NVL: variants seen among roughly 807,000 people sequenced by gnomAD.
The protein encoded by NVL is nuclear VCP like, also known as nuclear valosin-containing protein-like.
NVL carries 84 observed loss-of-function variants against 110.2 expected under a neutral mutation model. The observed-to-expected ratio is 0.76, with a 90% CI of 0.64 to 0.91. NVL has a LOEUF of 0.91. NVL is among the 40% of genes least tolerant of loss of function. The pLI, the probability that NVL is intolerant of heterozygous loss-of-function variation, is 0.00. For missense variants in NVL, 882 were observed against 1,035.9 expected (o/e 0.85, Z 2.04); for synonymous variants, 354 against 361.1 (o/e 0.98, Z 0.22).
chr1:224,300,525 C>T (rs200297160), intron 10 of NVL, 37 bp downstream of exon 10: 40 of 1,463,332 alleles, frequency 2.7e-5, no homozygotes, highest in South Asian at 2.4e-4. Flanking sequence ...AAGCTGGTAG[C>T]GTCTGACCAC....
At position 224,250,451 on chromosome 1, in the gene NVL, AC is replaced by A. The variant is rs1396396908; in HGVS notation, c.2183-134del. The A allele has an allele frequency of 4.4e-6, 3 of 685,986 alleles. No individual in the cohort carries two copies. The African/African-American group carries it at 5.7e-5, about 13-fold the overall frequency. The allele number at this position is 685,986 out of a possible 1,614,324, so 42.5% of individuals were successfully genotyped here. A position where few individuals can be genotyped will look rare whatever the true frequency, so the allele number is the denominator to read the frequency against. On this transcript the variant is annotated intron_variant, in intron 18 of 22. Coordinates refer to ENST00000281701, the MANE Select transcript of NVL (RefSeq NM_002533.4). ...ATGATCTCAGCTCACTGCAGCCTCG[AC>A]CTCCCAGGCTCAGATGATTCTCCCA... is the stretch of plus-strand genomic sequence containing the variant.
At chr1:224,281,825 T>C (rs1157260020) in intron 15 of NVL, among the ~76,000 whole-genome samples, 1 of 150,932 alleles carries the variant, frequency 6.6e-6, no homozygotes, top group Non-Finnish European at 1.5e-5. Context: ...TGGTGGCATG[T>C]ACCTATAGTC....
At chr1:224,246,654 T>C (rs1661852020) in intron 19 of NVL, among the ~76,000 whole-genome samples, 1 of 152,192 alleles carries the variant, frequency 6.6e-6, no homozygotes, top group Admixed American at 6.6e-5. Flanking sequence ...CAAAATTGGA[T>C]TATATGTGTG....
At chr1:224,313,157 TCAAAA>T in intron 4 of NVL, 1 of 139,470 alleles carries the variant, frequency 7.2e-6, no homozygotes, top group East Asian at 2.0e-4. Context: ...AGACGCTGTC[TCAAAA>T]AAAAAAAAAA....
In NVL at chr1:224,227,566, G is replaced by A. The variant is rs373114596; in HGVS notation, c.*60C>T. 121 of 1,520,906 alleles carry A rather than the reference G, an allele frequency of 8.0e-5. No individual in the cohort carries two copies. The African/African-American group carries it at 9.0e-4, about 11-fold the overall frequency. The allele number at this position is 1,520,906 out of a possible 1,614,324, so 94.2% of individuals were successfully genotyped here. A position where few individuals can be genotyped will look rare whatever the true frequency, so the allele number is the denominator to read the frequency against. Reference sequence around the variant, plus strand: ...CAGCTGAAAGTGGGTCCTTCAGAGCGTGTGGGGGATTCTCTGCCGGCTTGA... The same window carrying A: ...CAGCTGAAAGTGGGTCCTTCAGAGCATGTGGGGGATTCTCTGCCGGCTTGA... On this transcript the variant is annotated 3_prime_UTR_variant, in exon 23 of 23. Transcript: ENST00000281701.
At chr1:224,255,204 T>TG (rs1663068616) in intron 18 of NVL, among the ~76,000 whole-genome samples, 1 of 135,406 alleles carries the variant, frequency 7.4e-6, no homozygotes, top group Non-Finnish European at 1.5e-5. Flanking sequence ...TTTTTTTTTT[T>TG]CCTGAGACAG....
At chr1:224,240,336 T>C (rs1310877039) in intron 19 of NVL, among the ~76,000 whole-genome samples, 1 of 152,146 alleles carries the variant, frequency 6.6e-6, no homozygotes, top group African/African-American at 2.4e-5. Context: ...CCCAAAGTGC[T>C]AGGATTACAG....
intron 2 of NVL, among the ~76,000 whole-genome samples, chr1:224,323,736 C>G (rs916233907): frequency 2.6e-5 from 4 of 152,214 alleles, no homozygotes; most frequent in African/African-American, 7.2e-5. Flanking sequence ...ACAGGTCCGG[C>G]AGGTGGGGCT....
chr1:224,329,943 C>T (rs868333827), intron 1 of NVL, 128 bp downstream of exon 1: 2 of 899,318 alleles, frequency 2.2e-6, no homozygotes, highest in Non-Finnish European at 3.5e-6. Context: ...AACAGACGCA[C>T]GCCCAGACCC....
At chr1:224,301,650 A>G in intron 9 of NVL, 1 of 338,598 alleles carries the variant, frequency 3.0e-6, no homozygotes, top group South Asian at 2.1e-5. Context: ...AAAATAATAA[A>G]TTAGCCAGGC....
At chr1:224,251,255 CAG>C (rs142095992) in intron 18 of NVL, among the ~76,000 whole-genome samples, 10,390 of 101,648 alleles carry the variant, frequency 0.1, 503 homozygotes, top group Middle Eastern at 0.22. Context: ...GCCTGGCCAA[CAG>C]AGTGATACTG....
chr1:224,253,304 C>A (rs1025408364), intron 18 of NVL, among the ~76,000 whole-genome samples: 1 of 151,758 alleles, frequency 6.6e-6, no homozygotes, highest in Non-Finnish European at 1.5e-5. Flanking sequence ...CCCGCCTTAG[C>A]CTCCCGAAGT....
chr1:224,305,950 C>G (rs1668875002), intron 6 of NVL, among the ~76,000 whole-genome samples: 1 of 152,270 alleles, frequency 6.6e-6, no homozygotes, highest in African/African-American at 2.4e-5. Flanking sequence ...TTATCTCTGT[C>G]TTTCTCACTG....
intron 4 of NVL, 21 bp from the exon 5 acceptor site, chr1:224,311,878 A>G: frequency 6.3e-7 from 1 of 1,593,672 alleles, no homozygotes; most frequent in Non-Finnish European, 8.6e-7. Flanking sequence ...GGAGGGAAAA[A>G]TGTTTTAAAG....
At chr1:224,308,735 A>G (rs1289984256) in intron 5 of NVL, among the ~76,000 whole-genome samples, 2 of 150,500 alleles carry the variant, frequency 1.3e-5, no homozygotes, top group Non-Finnish European at 3.0e-5. Flanking sequence ...GTTCACAATA[A>G]GATGACTCAC....
chr1:224,302,273 G>A (rs2102691618), intron 9 of NVL, among the ~76,000 whole-genome samples: 1 of 152,048 alleles, frequency 6.6e-6, no homozygotes, highest in Non-Finnish European at 1.5e-5. Context: ...CATGATCTTG[G>A]CTCACCGCGA....
At chr1:224,304,846 A>C (rs753164966) in intron 7 of NVL, 34 bp from the exon 8 acceptor site, 2 of 1,564,256 alleles carry the variant, frequency 1.3e-6, no homozygotes, top group Admixed American at 3.3e-5. Context: ...GAAAAGATTA[A>C]TGATTCAGTA....
chr1:224,232,297 G>T (rs1659980396), intron 21 of NVL: 1 of 151,824 alleles, frequency 6.6e-6, no homozygotes, highest in African/African-American at 2.4e-5. Context: ...AGCTTGCAGT[G>T]AGCCAAGATC....
At chr1:224,258,979 T>TAAA (rs34767555) in intron 18 of NVL, among the ~76,000 whole-genome samples, 11 of 60,212 alleles carry the variant, frequency 1.8e-4, no homozygotes, top group African/African-American at 6.1e-4. Context: ...GTCTCTACAT[T>TAAA]AAAAAAAAAA....
Sources: gnomAD v4.1 joint callset for allele counts (sites outside exome capture counted in the v4.1 genomes callset) on GRCh38, gnomAD v4.1.1 for gene constraint, MANE v1.5 for transcripts, NCBI Gene and HGNC (gene_info 2026-07-23, HGNC 2026-07-21) for gene names.